Variants in FLI1 observed in about 807,000 individuals in gnomAD.
FLI1 encodes Fli-1 proto-oncogene, ETS transcription factor.
In FLI1, 13 loss-of-function variants were observed where a neutral mutation model predicts 53.1. The ratio of observed to expected loss-of-function variants is 0.24; its 90% CI spans 0.16 to 0.39. The LOEUF is 0.39. FLI1 is among the 10% of genes least tolerant of loss of function. The pLI, the probability that FLI1 is intolerant of heterozygous loss-of-function variation, is 1.00. For synonymous variants in FLI1, 244 were observed against 236.7 expected (o/e 1.03, Z -0.28); for missense variants, 424 against 600.5 (o/e 0.71, Z 3.07).
At chr11:128,702,403 G>A (rs1356388354) in intron 1 of FLI1, among the ~76,000 whole-genome samples, 1 of 152,176 alleles carries the variant, frequency 6.6e-6, no homozygotes, top group East Asian at 1.9e-4. Flanking sequence ...CATAAGGATG[G>A]TTAGACACAT....
chr11:128,686,225 A>G (rs1228015833), upstream of FLI1: 3 of 400,492 alleles, frequency 7.5e-6, no homozygotes, highest in East Asian at 7.2e-5. Context: ...GGGGAGTCCT[A>G]CCTCTGTCCT....
intron 5 of FLI1, chr11:128,803,879 G>A (rs1321958168): frequency 6.6e-6 from 1 of 152,120 alleles, no homozygotes; most frequent in Non-Finnish European, 1.5e-5. Context: ...TGTCTTGTTT[G>A]TTTTTAAGCA....
intron 5 of FLI1, among the ~76,000 whole-genome samples, chr11:128,802,934 T>A (rs1381011964): frequency 6.6e-6 from 1 of 152,230 alleles, no homozygotes; most frequent in African/African-American, 2.4e-5. Flanking sequence ...AAGTCAACGA[T>A]AACTATAGCC....
intron 4 of FLI1, among the ~76,000 whole-genome samples, chr11:128,778,446 T>C (rs952906475): frequency 2.6e-5 from 4 of 152,194 alleles, no homozygotes; most frequent in Admixed American, 2.6e-4. Context: ...CGATTTAGCC[T>C]GGAGGCAGTG....
chr11:128,787,824 T>TTGA (rs58009217), intron 5 of FLI1, among the ~76,000 whole-genome samples: 1 of 151,024 alleles, frequency 6.6e-6, no homozygotes, highest in Non-Finnish European at 1.5e-5. Flanking sequence ...TTTTTTTTTT[T>TTGA]GAGATGGAGT....
At position 128,778,066 on chromosome 11, in the gene FLI1, T is replaced by C. The variant is rs533508212; in HGVS notation, c.590-3892T>C. ...GCACTTTGGGAAGGCCATTCTATTC[T>C]CAGCAGGAGCTACTTTATGCTTTTT... On this transcript the variant is annotated intron_variant, in intron 4 of 8. Coordinates refer to ENST00000527786, the MANE Select transcript of FLI1 (RefSeq NM_002017.5). Among the ~76,000 whole-genome samples the C allele has an allele frequency of 2.6e-3, 398 of 152,324 alleles. 4 individuals are homozygous for C. Among genetic ancestry groups the C allele is most frequent in the African/African-American group, 9.2e-3 (383 of 41,560 alleles).
intron 1 of FLI1, among the ~76,000 whole-genome samples, chr11:128,713,228 C>T (rs1424681500): frequency 6.6e-6 from 1 of 152,226 alleles, no homozygotes; most frequent in Admixed American, 6.5e-5. Flanking sequence ...ACCTGCCCTC[C>T]AGAAAGGATA....
At chr11:128,725,297 G>A (rs570463633) in intron 1 of FLI1, among the ~76,000 whole-genome samples, 25 of 152,290 alleles carry the variant, frequency 1.6e-4, no homozygotes, top group South Asian at 8.3e-4. Flanking sequence ...TGTATCTCCC[G>A]CTTCCTCCCC....
intron 1 of FLI1, among the ~76,000 whole-genome samples, chr11:128,742,088 A>G (rs1315645126): frequency 6.6e-6 from 1 of 152,184 alleles, no homozygotes; most frequent in African/African-American, 2.4e-5. Context: ...ATCTGTGTGC[A>G]CAGCCTGTGT....
At chr11:128,788,379 G>T (rs1942164219) in intron 5 of FLI1, among the ~76,000 whole-genome samples, 1 of 152,102 alleles carries the variant, frequency 6.6e-6, no homozygotes, top group African/African-American at 2.4e-5. Flanking sequence ...TGAAGCAGGA[G>T]AATTGCTTGA....
At chr11:128,710,763 C>T (rs533828019) in intron 1 of FLI1, among the ~76,000 whole-genome samples, 1 of 152,226 alleles carries the variant, frequency 6.6e-6, no homozygotes, top group African/African-American at 2.4e-5. Flanking sequence ...AATATAATCT[C>T]TTCAGCTACT....
At chr11:128,735,184 CTA>C (rs1939869274) in intron 1 of FLI1, among the ~76,000 whole-genome samples, 2 of 152,140 alleles carry the variant, frequency 1.3e-5, no homozygotes, top group Non-Finnish European at 2.9e-5. Context: ...ATGTCTTAAA[CTA>C]TAAAATAATC....
At chr11:128,772,027 ACC>A in intron 3 of FLI1, among the ~76,000 whole-genome samples, 1 of 116,328 alleles carries the variant, frequency 8.6e-6, no homozygotes, top group Non-Finnish European at 1.8e-5. Context: ...CAACATCCCC[ACC>A]ACACACACAC....
intron 5 of FLI1, chr11:128,805,161 C>T (rs529900811): frequency 2.1e-5 from 9 of 431,120 alleles, no homozygotes; most frequent in Non-Finnish European, 3.3e-5. Flanking sequence ...ATTACTTTGG[C>T]TCCCAGATAA....
At chr11:128,686,553 T>A (rs1315747328) in exon 1 of FLI1, 1 of 444,206 alleles carries the variant, frequency 2.3e-6, no homozygotes, top group Non-Finnish European at 4.6e-6. Context: ...TCCATCTGCA[T>A]CCCCACTTCA....
At chr11:128,802,617 G>A (rs1942665861) in intron 5 of FLI1, among the ~76,000 whole-genome samples, 1 of 152,234 alleles carries the variant, frequency 6.6e-6, no homozygotes. Context: ...GAGGACTGTA[G>A]CATTGATTGG....
At chr11:128,735,318 A>G (rs1274039247) in intron 1 of FLI1, among the ~76,000 whole-genome samples, 3 of 152,280 alleles carry the variant, frequency 2.0e-5, no homozygotes, top group Non-Finnish European at 2.9e-5. Flanking sequence ...GCTGGACACA[A>G]GAATTCAACC....
At chr11:128,805,632 A>T in intron 6 of FLI1, 1 of 539,218 alleles carries the variant, frequency 1.9e-6, no homozygotes, top group Non-Finnish European at 3.3e-6. Context: ...TAGATTTTTG[A>T]GTTTTGTTTT....
At chr11:128,764,730 C>T (rs1170033542) in intron 2 of FLI1, 2 of 1,569,984 alleles carry the variant, frequency 1.3e-6, no homozygotes, top group African/African-American at 1.3e-5. Context: ...CGTGGAGCCC[C>T]ATGGCCGCAC....
Sources: allele counts gnomAD v4.1 joint callset (sites outside exome capture counted in the v4.1 genomes callset), GRCh38; gene constraint gnomAD v4.1.1; transcripts MANE v1.5; gene names NCBI Gene and HGNC (gene_info 2026-07-23, HGNC 2026-07-21).